The following PCED1B variants were observed in gnomAD, a reference collection of about 807,000 sequenced individuals.
The protein encoded by PCED1B is PC-esterase domain containing 1B, also known as PC-esterase domain-containing protein 1B.
For synonymous variants in PCED1B, 251 were observed against 246.1 expected (o/e 1.02, Z -0.19); for missense variants, 573 against 573.9 (o/e 1.00, Z 0.02).
chr12:47,105,165 G>A (rs1291427392), intron 2 of PCED1B, among the ~76,000 whole-genome samples: 1 of 152,148 alleles, frequency 6.6e-6, no homozygotes, highest in Non-Finnish European at 1.5e-5. Context: ...TTCAGGGAAA[G>A]CTCCTATACA....
At chr12:47,228,068 CTG>C (rs2137877063) in intron 3 of PCED1B, among the ~76,000 whole-genome samples, 1 of 150,764 alleles carries the variant, frequency 6.6e-6, no homozygotes, top group East Asian at 2.0e-4. Flanking sequence ...AAGTCACACT[CTG>C]TTGCCCAGGC....
intron 2 of PCED1B, among the ~76,000 whole-genome samples, chr12:47,119,344 A>G (rs192382268): frequency 5.5e-4 from 83 of 152,262 alleles, no homozygotes; most frequent in Non-Finnish European, 1.0e-3. Context: ...ATAATTTGTT[A>G]GGTATGACAA....
chr12:47,163,156 TGTAA>T (rs146714399), intron 2 of PCED1B, among the ~76,000 whole-genome samples: 2,374 of 152,320 alleles, frequency 0.016, 64 homozygotes, highest in African/African-American at 0.053. Flanking sequence ...CTTGTTAGTA[TGTAA>T]GTATTTAATT....
intron 1 of PCED1B, among the ~76,000 whole-genome samples, chr12:47,084,616 G>C (rs1435342325): frequency 6.6e-6 from 1 of 152,130 alleles, no homozygotes; most frequent in African/African-American, 2.4e-5. Flanking sequence ...TCTAGGTTTG[G>C]ACTGGGATTT....
At chr12:47,084,161 G>T (rs1222283045) in intron 1 of PCED1B, among the ~76,000 whole-genome samples, 2 of 152,092 alleles carry the variant, frequency 1.3e-5, no homozygotes, top group East Asian at 3.9e-4. Context: ...GTTTAGCCTA[G>T]CCTGCCTTAA....
At chr12:47,116,383 A>G (rs116484604) in intron 2 of PCED1B, among the ~76,000 whole-genome samples, 66 of 152,332 alleles carry the variant, frequency 4.3e-4, no homozygotes, top group African/African-American at 1.5e-3. Flanking sequence ...AGGTCACAGT[A>G]TGGGAAAGGT....
chr12:47,200,730 A>G (rs1028488644), intron 2 of PCED1B, among the ~76,000 whole-genome samples: 1 of 152,238 alleles, frequency 6.6e-6, no homozygotes, highest in Non-Finnish European at 1.5e-5. Flanking sequence ...CCTTGCTGAT[A>G]TTAGTGCAGT....
chr12:47,218,232 T>A (rs974868656), intron 3 of PCED1B, among the ~76,000 whole-genome samples: 1 of 152,234 alleles, frequency 6.6e-6, no homozygotes, highest in Admixed American at 6.5e-5. Context: ...AGGTCCGTTG[T>A]TGGCACTGAA....
At chr12:47,104,895 C>T (rs953479691) in intron 2 of PCED1B, among the ~76,000 whole-genome samples, 1 of 152,194 alleles carries the variant, frequency 6.6e-6, no homozygotes, top group Non-Finnish European at 1.5e-5. Flanking sequence ...CTCCAACTCC[C>T]AGGAAGCCGG....
intron 2 of PCED1B, among the ~76,000 whole-genome samples, chr12:47,188,595 T>C (rs1389550365): frequency 6.6e-6 from 1 of 152,224 alleles, no homozygotes; most frequent in Non-Finnish European, 1.5e-5. Flanking sequence ...ACTTCCTTTT[T>C]TCAATGTGTA....
At chr12:47,195,826 A>C (rs1942586468) in intron 2 of PCED1B, among the ~76,000 whole-genome samples, 1 of 152,216 alleles carries the variant, frequency 6.6e-6, no homozygotes, top group African/African-American at 2.4e-5. Context: ...TTCATTATTC[A>C]TTTTATTATG....
At chr12:47,164,686 A>T (rs57668165) in intron 2 of PCED1B, among the ~76,000 whole-genome samples, 2,284 of 152,314 alleles carry the variant, frequency 0.015, 58 homozygotes, top group African/African-American at 0.052. Context: ...CCCTTGTGGC[A>T]GGTTTCTGCC....
At chr12:47,094,948 A>G (rs573488180) in intron 1 of PCED1B, among the ~76,000 whole-genome samples, 10 of 144,210 alleles carry the variant, frequency 6.9e-5, no homozygotes, top group Middle Eastern at 3.6e-3. Flanking sequence ...GTTTTGTCAC[A>G]CAAGCTGGAA....
Position 47,213,367 on chromosome 12 carries a change from A to G in PCED1B, c.-525-2855A>G, listed in dbSNP as rs1477847392. On this transcript the variant is annotated intron_variant, in intron 2 of 3. Coordinates refer to ENST00000546455, the MANE Select transcript of PCED1B (RefSeq NM_138371.3). ...GACTGTTTAAGTCAGACAACCAAAGAAAAAAACATAGTTTTGTGATTTGCC... is the reference window on the plus strand; with the variant it reads ...GACTGTTTAAGTCAGACAACCAAAGGAAAAAACATAGTTTTGTGATTTGCC... Among the ~76,000 whole-genome samples the G allele has an allele frequency of 1.2e-3, 27 of 22,716 alleles. No homozygotes were observed. The East Asian group carries it at 0.018, about 15-fold the overall frequency. 14.9% of individuals were successfully genotyped at this position (22,716 alleles called of 152,430 possible).
At chr12:47,171,065 C>CTTTTTT (rs71437788) in intron 2 of PCED1B, among the ~76,000 whole-genome samples, 1 of 121,346 alleles carries the variant, frequency 8.2e-6, no homozygotes, top group Non-Finnish European at 1.7e-5. Context: ...GCCAGGTTAC[C>CTTTTTT]TTTTTTTTTT....
At chr12:47,089,461 C>CAGACATATAT in intron 1 of PCED1B, among the ~76,000 whole-genome samples, 1 of 63,398 alleles carries the variant, frequency 1.6e-5, no homozygotes. Flanking sequence ...AAAAAAAATA[C>CAGACATATAT]ATATATATAT....
intron 2 of PCED1B, among the ~76,000 whole-genome samples, chr12:47,122,284 C>A (rs558942709): frequency 1.3e-5 from 2 of 152,168 alleles, no homozygotes; most frequent in African/African-American, 4.8e-5. Flanking sequence ...AGCACCACAG[C>A]AGATTTACCA....
chr12:47,092,996 T>C (rs1176771213), intron 1 of PCED1B, among the ~76,000 whole-genome samples: 4 of 152,048 alleles, frequency 2.6e-5, no homozygotes, highest in Non-Finnish European at 1.5e-5. Context: ...TTTATGCTAT[T>C]ACAATTTTTT....
chr12:47,147,077 T>G (rs1940818465), intron 2 of PCED1B, among the ~76,000 whole-genome samples: 1 of 146,848 alleles, frequency 6.8e-6, no homozygotes, highest in South Asian at 2.2e-4. Flanking sequence ...CTCGGCTCAC[T>G]GCAATTTCCA....
Sources: gnomAD v4.1 joint callset for allele counts (sites outside exome capture counted in the v4.1 genomes callset) on GRCh38, gnomAD v4.1.1 for gene constraint, MANE v1.5 for transcripts, NCBI Gene and HGNC (gene_info 2026-07-23, HGNC 2026-07-21) for gene names.